Variants in ELOVL6 observed in about 807,000 individuals in gnomAD.
ELOVL6 encodes the protein very long chain fatty acid elongase 6.
A neutral mutation model predicts 31.7 loss-of-function variants in ELOVL6; 8 were observed. The observed-to-expected ratio is 0.25, with a 90% CI of 0.15 to 0.45. The LOEUF is 0.45. Among genes scored for constraint, ELOVL6 ranks in the 20% least tolerant of loss-of-function variants. ELOVL6 has a pLI of 1.00. For missense variants in ELOVL6, 126 were observed against 326.4 expected, an observed-to-expected ratio of 0.39 and a Z score of 4.73; for synonymous variants, 101 against 117.7, an observed-to-expected ratio of 0.86 and a Z score of 0.92.
intron 2 of ELOVL6, among the ~76,000 whole-genome samples, chr4:110,093,996 A>G (rs945784075): frequency 6.6e-6 from 1 of 152,122 alleles, no homozygotes; most frequent in Non-Finnish European, 1.5e-5. Flanking sequence ...CACGTCTGTA[A>G]TCCCAGCATT....
intron 1 of ELOVL6, among the ~76,000 whole-genome samples, chr4:110,125,021 TA>T (rs1560833833): frequency 6.6e-6 from 1 of 152,202 alleles, no homozygotes; most frequent in Non-Finnish European, 1.5e-5. Context: ...TATAGAGAAG[TA>T]AAACCTAATG....
At chr4:110,074,470 T>A (rs969933635) in intron 2 of ELOVL6, among the ~76,000 whole-genome samples, 1 of 152,192 alleles carries the variant, frequency 6.6e-6, no homozygotes, top group Non-Finnish European at 1.5e-5. Context: ...ACATTTTATA[T>A]GTGCCAGGCA....
chr4:110,196,138 G>A (rs552499516), intron 1 of ELOVL6, among the ~76,000 whole-genome samples: 1 of 152,202 alleles, frequency 6.6e-6, no homozygotes, highest in Non-Finnish European at 1.5e-5. Context: ...AAGTAAATAA[G>A]AGGCAGTATC....
intron 2 of ELOVL6, among the ~76,000 whole-genome samples, chr4:110,094,446 A>AT (rs1350027640): frequency 7.4e-5 from 1 of 13,598 alleles, no homozygotes; most frequent in Non-Finnish European, 1.8e-4. Flanking sequence ...TATATATAAT[A>AT]TATATAACAT....
chr4:110,077,829 T>A (rs535281857), intron 2 of ELOVL6, among the ~76,000 whole-genome samples: 1 of 152,156 alleles, frequency 6.6e-6, no homozygotes, highest in South Asian at 2.1e-4. Context: ...GCAAAGAAGT[T>A]AAAAACCTTG....
At chr4:110,196,832 T>C (rs959915293) in intron 1 of ELOVL6, among the ~76,000 whole-genome samples, 35 of 152,028 alleles carry the variant, frequency 2.3e-4, no homozygotes, top group African/African-American at 6.3e-4. Flanking sequence ...CAAATGGCCA[T>C]TGGGGCCCGG....
rs552499516 is a variant in ELOVL6, at chr4:110,196,138, G to T, written c.89+2109C>A. ...CAGAGAAAAAGCAACAAGTAAATAA[G>T]AGGCAGTATCGACTGCAGTGGGCTA... On this transcript the variant is annotated intron_variant, in intron 1 of 3. Coordinates refer to ENST00000302274, the MANE Select transcript of ELOVL6 (RefSeq NM_024090.3). 7.2e-5 allele frequency among the ~76,000 whole-genome samples: 11 copies of T among 152,320 alleles called. No homozygotes were observed. In the East Asian group the frequency reaches 2.1e-3, roughly 29 times the overall value.
intron 1 of ELOVL6, among the ~76,000 whole-genome samples, chr4:110,159,848 A>T (rs1207516045): frequency 1.4e-4 from 21 of 152,202 alleles, no homozygotes; most frequent in Admixed American, 1.4e-3. Context: ...ATGAAAGTGT[A>T]TCTCATTGCT....
At chr4:110,164,927 C>G (rs1758729692) in intron 1 of ELOVL6, among the ~76,000 whole-genome samples, 1 of 151,784 alleles carries the variant, frequency 6.6e-6, no homozygotes, top group Admixed American at 6.6e-5. Context: ...CAACCTCTGC[C>G]CCCCAGGCTC....
chr4:110,118,313 C>T (rs890585638), intron 1 of ELOVL6, among the ~76,000 whole-genome samples: 3 of 152,144 alleles, frequency 2.0e-5, no homozygotes, highest in African/African-American at 4.8e-5. Context: ...ACACCACCCC[C>T]CTAACTCCAC....
At chr4:110,131,142 C>T (rs1417082774) in intron 1 of ELOVL6, among the ~76,000 whole-genome samples, 3 of 152,148 alleles carry the variant, frequency 2.0e-5, no homozygotes, top group South Asian at 4.1e-4. Context: ...ATATCTGTTG[C>T]GTTGATGTTC....
chr4:110,115,683 T>C (rs1560829368), intron 1 of ELOVL6, among the ~76,000 whole-genome samples: 8 of 152,214 alleles, frequency 5.3e-5, no homozygotes, highest in Admixed American at 2.6e-4. Context: ...CATAAGAGGA[T>C]AAAGTTTGCA....
chr4:110,106,597 A>C (rs931886545), intron 1 of ELOVL6, among the ~76,000 whole-genome samples: 5 of 152,136 alleles, frequency 3.3e-5, no homozygotes, highest in Non-Finnish European at 7.3e-5. Context: ...TATAATAAGC[A>C]GTGAGGATGA....
At chr4:110,102,355 A>G (rs1756769824) in intron 2 of ELOVL6, among the ~76,000 whole-genome samples, 1 of 152,238 alleles carries the variant, frequency 6.6e-6, no homozygotes, top group African/African-American at 2.4e-5. Context: ...TGCAGGATAA[A>G]GTAAATGGGG....
chr4:110,150,811 G>A (rs1031998292), intron 1 of ELOVL6, among the ~76,000 whole-genome samples: 34 of 152,234 alleles, frequency 2.2e-4, no homozygotes, highest in African/African-American at 8.2e-4. Flanking sequence ...GGGAAGCCGA[G>A]GTGGACGGAT....
intron 2 of ELOVL6, among the ~76,000 whole-genome samples, chr4:110,087,123 T>G (rs1459408860): frequency 6.6e-6 from 1 of 151,980 alleles, no homozygotes; most frequent in Non-Finnish European, 1.5e-5. Context: ...AGATATGAAG[T>G]TTTTAGAACA....
intron 3 of ELOVL6, among the ~76,000 whole-genome samples, chr4:110,055,540 C>A (rs1754958123): frequency 6.6e-6 from 1 of 152,108 alleles, no homozygotes; most frequent in Non-Finnish European, 1.5e-5. Context: ...TCCTTATACC[C>A]AAGTGTCCCT....
chr4:110,081,289 A>G (rs1175149218), intron 2 of ELOVL6, among the ~76,000 whole-genome samples: 2 of 152,222 alleles, frequency 1.3e-5, no homozygotes, highest in Non-Finnish European at 2.9e-5. Flanking sequence ...TGCCAAGTCA[A>G]TCCTAAGCCA....
At chr4:110,105,466 AC>A in intron 2 of ELOVL6, 30 bp downstream of exon 2, 2 of 1,575,332 alleles carry the variant, frequency 1.3e-6, no homozygotes, top group Middle Eastern at 1.7e-4. Flanking sequence ...TAAAATGGAT[AC>A]GTTTTATTAG....
Sources: allele counts gnomAD v4.1 joint callset (sites outside exome capture counted in the v4.1 genomes callset), GRCh38; gene constraint gnomAD v4.1.1; transcripts MANE v1.5; gene names NCBI Gene and HGNC (gene_info 2026-07-23, HGNC 2026-07-21).